The following NCALD variants were observed in gnomAD, a reference collection of about 807,000 sequenced individuals.
NCALD encodes neurocalcin delta, also known as neurocalcin-delta.
Under a neutral mutation model 18.6 loss-of-function variants are expected in NCALD, and 10 were observed. The ratio of observed to expected loss-of-function variants is 0.54; its 90% CI spans 0.33 to 0.91. The LOEUF (loss-of-function observed/expected upper bound fraction) is 0.91, where lower values mean the gene tolerates loss of function less well. NCALD is among the 40% of genes least tolerant of loss of function. NCALD has a pLI of 0.03. For synonymous variants in NCALD, 88 were observed against 87.4 expected (o/e 1.01, Z -0.04); for missense variants, 184 against 247.6 (o/e 0.74, Z 1.72).
intron 1 of NCALD, among the ~76,000 whole-genome samples, chr8:101,768,733 A>AG (rs1811459108): frequency 6.6e-6 from 1 of 151,562 alleles, no homozygotes; most frequent in South Asian, 2.1e-4. Flanking sequence ...CAAAAAAAAA[A>AG]AAAGAAAGAA....
At position 101,689,477 on chromosome 8, in the gene NCALD, C is replaced by CCCAGCACGCAGTA; in HGVS notation, c.485-72_485-71insTACTGCGTGCTGG. ...TGAGCTTACACCCTTCCCACTACTG[C>CCCAGCACGCAGTA]GTGCTGGGCAGTGTCGATTCACCTG... is the stretch of plus-strand genomic sequence containing the variant. On this transcript the variant is annotated intron_variant, in intron 3 of 3. Transcript: ENST00000220931. The surrounding 1 kb of genome is among the most constrained non-coding windows in gnomAD (Gnocchi z 4.4). 8.2e-7 allele frequency: 1 copy of CCCAGCACGCAGTA among 1,213,878 alleles called. No homozygotes were observed. Among genetic ancestry groups the CCCAGCACGCAGTA allele is most frequent in the Non-Finnish European group, 1.2e-6 (1 of 845,096 alleles). 75.2% of individuals were successfully genotyped at this position (1,213,878 alleles called of 1,614,324 possible).
chr8:101,968,851 G>A (rs973998826), intron 2 of NCALD, among the ~76,000 whole-genome samples: 1 of 152,114 alleles, frequency 6.6e-6, no homozygotes, highest in African/African-American at 2.4e-5. Context: ...TGCATACCGA[G>A]CAAATTGGTG....
At chr8:101,896,353 C>G (rs867051981) in intron 3 of NCALD, among the ~76,000 whole-genome samples, 1 of 151,696 alleles carries the variant, frequency 6.6e-6, no homozygotes, top group Non-Finnish European at 1.5e-5. Context: ...ACACCTTATA[C>G]AAAAATCAAT....
upstream of NCALD, chr8:102,124,562 T>G (rs1826054726): frequency 1.4e-5 from 2 of 140,166 alleles, no homozygotes; most frequent in Admixed American, 1.5e-4. Flanking sequence ...CCCATAGTCC[T>G]AGCTCACCGC....
intron 1 of NCALD, among the ~76,000 whole-genome samples, chr8:102,082,738 A>C (rs1405009851): frequency 1.3e-5 from 2 of 152,234 alleles, no homozygotes; most frequent in African/African-American, 4.8e-5. Flanking sequence ...TTTCAAGACC[A>C]CATGGTGGTT....
At chr8:101,712,433 C>T (rs556413968) in intron 2 of NCALD, among the ~76,000 whole-genome samples, 4 of 152,022 alleles carry the variant, frequency 2.6e-5, no homozygotes, top group South Asian at 2.1e-4. Context: ...TGTAAATAGG[C>T]TAAATGCCCC....
In NCALD at chr8:102,094,817, T is replaced by C. The variant is rs139262065; in HGVS notation, c.-210+29420A>G. Among the ~76,000 whole-genome samples, 12 of 152,244 alleles carry C rather than the reference T, an allele frequency of 7.9e-5. No homozygotes were observed. The East Asian group carries it at 2.1e-3, about 27-fold the overall frequency. On this transcript the variant is annotated intron_variant, in intron 1 of 6. Coordinates refer to the NCALD transcript ENST00000311028. ...CAGACATACAGAGATAAGAATGTCA[T>C]AGGAAGATGGAGACAGAGATTGGAG...
rs111975103 is a variant in NCALD, at chr8:101,848,448, A to C, written c.-20+38693T>G. On this transcript the variant is annotated intron_variant, in intron 4 of 6. Coordinates refer to the NCALD transcript ENST00000311028. ...CTATTAACTCTCAAACAGATACAGC[A>C]AGAAGCTGTTGGACCCCTCAGAAGA... is the stretch of plus-strand genomic sequence containing the variant. Among the ~76,000 whole-genome samples, 217 of 152,320 alleles carry C rather than the reference A, an allele frequency of 1.4e-3. 1 individual carries two copies. Among genetic ancestry groups the C allele is most frequent in the African/African-American group, 5.0e-3 (209 of 41,568 alleles).
intron 2 of NCALD, among the ~76,000 whole-genome samples, chr8:102,002,139 A>G (rs1053634637): frequency 2.0e-5 from 3 of 152,164 alleles, no homozygotes; most frequent in Admixed American, 6.5e-5. Flanking sequence ...CCCATCTCAC[A>G]TGCAAAGACA....
At chr8:101,704,692 G>A (rs926127610) in intron 2 of NCALD, among the ~76,000 whole-genome samples, 6 of 151,646 alleles carry the variant, frequency 4.0e-5, no homozygotes, top group Admixed American at 1.3e-4. Context: ...TGAGGCAGGC[G>A]GGATCAGCTG....
chr8:102,010,914 A>G (rs1258643000), intron 2 of NCALD, among the ~76,000 whole-genome samples: 2 of 152,242 alleles, frequency 1.3e-5, no homozygotes, highest in Non-Finnish European at 2.9e-5. Context: ...CTATATATGT[A>G]CAAGAAAGTT....
intron 1 of NCALD, among the ~76,000 whole-genome samples, chr8:102,045,943 A>C (rs1823224931): frequency 6.6e-6 from 1 of 152,224 alleles, no homozygotes; most frequent in Non-Finnish European, 1.5e-5. Flanking sequence ...ATAATGTGGC[A>C]ATCACTGAGC....
chr8:101,757,129 C>T (rs373369972), intron 1 of NCALD, among the ~76,000 whole-genome samples: 37 of 152,128 alleles, frequency 2.4e-4, no homozygotes, highest in East Asian at 9.6e-4. Flanking sequence ...ATTTACACAT[C>T]GCTGCTCACT....
chr8:101,768,725 A>AT (rs1040753185), intron 1 of NCALD, among the ~76,000 whole-genome samples: 5 of 149,198 alleles, frequency 3.4e-5, no homozygotes, highest in Non-Finnish European at 6.0e-5. Flanking sequence ...CAAAAAAACA[A>AT]AAAAAAAAAA....
At chr8:101,870,747 G>T (rs575976876) in intron 4 of NCALD, among the ~76,000 whole-genome samples, 1 of 152,088 alleles carries the variant, frequency 6.6e-6, no homozygotes, top group Non-Finnish European at 1.5e-5. Flanking sequence ...TGGGGGCAAA[G>T]ATCTGCAGAA....
chr8:101,956,188 C>T (rs998549694), intron 2 of NCALD, among the ~76,000 whole-genome samples: 1 of 152,130 alleles, frequency 6.6e-6, no homozygotes, highest in East Asian at 1.9e-4. Context: ...TGCTTATCCA[C>T]CCCCAAAGAG....
At chr8:101,692,538 G>C (rs1814776949) in intron 3 of NCALD, 1 of 985,312 alleles carries the variant, frequency 1.0e-6, no homozygotes, top group South Asian at 4.7e-5. Flanking sequence ...TGCCCCACAA[G>C]ATCCATTCTG....
upstream of NCALD, among the ~76,000 whole-genome samples, chr8:101,791,593 C>A (rs1267696366): frequency 1.3e-5 from 2 of 152,098 alleles, no homozygotes; most frequent in Non-Finnish European, 2.9e-5. Flanking sequence ...GTAAGACAGT[C>A]TAATGATCCT....
At chr8:101,866,605 T>C (rs1175873566) in intron 4 of NCALD, among the ~76,000 whole-genome samples, 1 of 152,234 alleles carries the variant, frequency 6.6e-6, no homozygotes, top group Non-Finnish European at 1.5e-5. Context: ...AATTCCATTC[T>C]GGTTGTTTAA....
Sources: allele counts gnomAD v4.1 joint callset (sites outside exome capture counted in the v4.1 genomes callset), GRCh38; gene constraint gnomAD v4.1.1; non-coding constraint Gnocchi (gnomAD v3.1); transcripts MANE v1.5; gene names NCBI Gene and HGNC (gene_info 2026-07-23, HGNC 2026-07-21).